LRRIQ1: variants seen among roughly 807,000 people sequenced by gnomAD.
LRRIQ1 encodes leucine-rich repeat- and IQ domain-containing protein 1.
A neutral mutation model predicts 211.9 loss-of-function variants in LRRIQ1; 210 were observed. The ratio of observed to expected loss-of-function variants is 0.99; its 90% confidence interval spans 0.89 to 1.11. LRRIQ1 has a LOEUF of 1.11. Among genes scored for constraint, LRRIQ1 ranks in the 50% most tolerant of loss-of-function variants. LRRIQ1 has a pLI of 0.00. For synonymous variants in LRRIQ1, 699 were observed against 650.1 expected, an observed-to-expected ratio of 1.08 and a Z score of -1.14; for missense variants, 2,136 against 1,939.5, an observed-to-expected ratio of 1.10 and a Z score of -1.90.
chr12:85,194,244 G>C (rs1462015809), intron 24 of LRRIQ1, among the ~76,000 whole-genome samples: 1 of 120,964 alleles, frequency 8.3e-6, no homozygotes, highest in Non-Finnish European at 1.7e-5. Context: ...ACACCCCACT[G>C]TCAACATTAG....
rs973534888 is a variant in LRRIQ1, at chr12:85,192,428, A to T, written c.4822+31714A>T. Among the ~76,000 whole-genome samples the T allele has an allele frequency of 3.0e-5, 4 of 132,048 alleles. No homozygotes were observed. In the Admixed American group the frequency reaches 3.6e-4, roughly 12 times the overall value. 86.6% of individuals were successfully genotyped at this position (132,048 alleles called of 152,430 possible). On this transcript the variant is annotated intron_variant, in intron 24 of 26. Transcript: ENST00000393217. ...TTTATATAATTATATACATTTATAT[A>T]TATTTATATATAAATGTATATAGTT... is the stretch of plus-strand genomic sequence containing the variant.
chr12:85,154,139 TGAA>T, intron 23 of LRRIQ1, 45 bp downstream of exon 23: 2 of 1,023,338 alleles, frequency 2.0e-6, no homozygotes, highest in Non-Finnish European at 1.4e-6. Context: ...TATGGAAAAT[TGAA>T]GATAACTTCT....
intron 1 of LRRIQ1, among the ~76,000 whole-genome samples, chr12:85,252,514 A>G (rs1895975113): frequency 6.6e-6 from 1 of 151,950 alleles, no homozygotes; most frequent in Non-Finnish European, 1.5e-5. Flanking sequence ...AAATGTTTTT[A>G]TGAGAAAAAC....
rs775680245 is a variant in LRRIQ1, at chr12:85,121,834, G to A, written c.3515G>A (p.Arg1172Gln). The A allele has an allele frequency of 1.4e-5, 23 of 1,606,984 alleles. No homozygotes were observed. The highest frequency in any genetic ancestry group is 1.9e-5 in the Non-Finnish European group (22 of 1,176,918). ...GFLALCQSQI[R>Q]EFNLLIENYI... ...CTGGCACTTTGTCAGTCTCAGATTC[G>A]AGAATTCAACTTGCTAATTGAAAAT... is the stretch of plus-strand genomic sequence containing the variant. The change falls in exon 16 of 27, where the codon CGA (arginine) becomes CAA (glutamine). Residue 1172 changes from arginine (R) to glutamine (Q), a missense_variant. Physicochemically the swap from Arg to Gln is conservative, Grantham distance 43 (BLOSUM62 1). Coordinates refer to ENST00000393217, the MANE Select transcript of LRRIQ1 (RefSeq NM_001079910.2).
chr12:85,198,014 AT>A lies in LRRIQ1; in HGVS notation c.4823-31501del, dbSNP rs1565898618. Among the ~76,000 whole-genome samples the A allele has an allele frequency of 4.0e-3, 238 of 59,878 alleles. 1 individual carries two copies. Among genetic ancestry groups the A allele is most frequent in the African/African-American group, 8.2e-3 (139 of 16,868 alleles). The allele number at this position is 59,878 out of a possible 152,430, so 39.3% of individuals were successfully genotyped here. ...ATATTATATATAACATATATAATAT[AT>A]TATATTATTATATATAACATATATA... On this transcript the variant is annotated intron_variant, in intron 24 of 26. Coordinates refer to ENST00000393217, the MANE Select transcript of LRRIQ1 (RefSeq NM_001079910.2).
intron 8 of LRRIQ1, among the ~76,000 whole-genome samples, chr12:85,059,286 C>T (rs993769730): frequency 7.9e-5 from 12 of 152,006 alleles, no homozygotes; most frequent in Admixed American, 3.9e-4. Flanking sequence ...AGACATAAAT[C>T]GGATCTTCGT....
At chr12:85,244,506 C>T (rs1404244025) in intron 26 of LRRIQ1, among the ~76,000 whole-genome samples, 1 of 151,622 alleles carries the variant, frequency 6.6e-6, no homozygotes, top group African/African-American at 2.4e-5. Context: ...GTTTCATCAG[C>T]TACCTTTGAT....
chr12:85,104,311 GT>G (rs1160469128), intron 14 of LRRIQ1, among the ~76,000 whole-genome samples: 1 of 151,832 alleles, frequency 6.6e-6, no homozygotes, highest in Non-Finnish European at 1.5e-5. Flanking sequence ...TTATTTAAAA[GT>G]CATACATCTT....
rs1371298069 is a variant in LRRIQ1, at chr12:85,061,468, A to G, written c.2392-3794A>G. Among the ~76,000 whole-genome samples, 3 of 151,758 alleles carry G rather than the reference A, an allele frequency of 2.0e-5. No individual in the cohort carries two copies. In the East Asian group the frequency reaches 5.8e-4, roughly 29 times the overall value. On this transcript the variant is annotated intron_variant, in intron 8 of 26. Transcript: ENST00000393217. ...CTCCTCATATTCAAAAGTAAATACCACTAACAAGGATACTGTAGCAGTTAC... is the reference window on the plus strand; with the variant it reads ...CTCCTCATATTCAAAAGTAAATACCGCTAACAAGGATACTGTAGCAGTTAC...
chr12:85,162,125 G>A (rs1890919854), intron 24 of LRRIQ1, among the ~76,000 whole-genome samples: 1 of 152,010 alleles, frequency 6.6e-6, no homozygotes, highest in African/African-American at 2.4e-5. Flanking sequence ...TGGACCAACA[G>A]ATGATAGTGT....
intron 24 of LRRIQ1, among the ~76,000 whole-genome samples, chr12:85,224,415 A>G (rs1894549313): frequency 6.6e-6 from 1 of 152,158 alleles, no homozygotes; most frequent in Non-Finnish European, 1.5e-5. Flanking sequence ...ACATCATTCT[A>G]CTATAAAGAC....
chr12:85,099,581 A>G (rs1047111765), intron 13 of LRRIQ1, among the ~76,000 whole-genome samples: 2 of 151,908 alleles, frequency 1.3e-5, no homozygotes, highest in Non-Finnish European at 2.9e-5. Context: ...AAACCAAAGC[A>G]GGAGCACAAT....
chr12:85,074,777 G>T (rs1024885070), intron 11 of LRRIQ1, among the ~76,000 whole-genome samples: 2 of 152,028 alleles, frequency 1.3e-5, no homozygotes, highest in African/African-American at 4.8e-5. Context: ...TTGAATGAAT[G>T]TTGCCACATG....
rs568909404 is a variant in LRRIQ1 at position 85,178,760 on chromosome 12, A to G, written c.4822+18046A>G. The stretch of plus-strand genomic sequence containing the variant: ...TCATTAAATATAAATATTACATAGA[A>G]TTTTGTTCATATATGACCTCATTCT... On this transcript the variant is annotated intron_variant, in intron 24 of 26. Coordinates refer to ENST00000393217, the MANE Select transcript of LRRIQ1 (RefSeq NM_001079910.2). Among the ~76,000 whole-genome samples the G allele has an allele frequency of 2.6e-5, 4 of 151,994 alleles. No homozygotes were observed. The South Asian group carries it at 8.3e-4, about 32-fold the overall frequency.
At position 85,055,951 on chromosome 12, in the gene LRRIQ1, A is replaced by G. The variant is rs777121722; in HGVS notation, c.1158A>G (p.Leu386=). Residue 386 remains leucine, a synonymous_variant, in exon 8 of 27, where the codon TTA becomes TTG. Transcript: ENST00000393217. Reference sequence around the variant, plus strand: ...TAATAAGCAAGGAAAAAATAATATTAAGAGAAGATGCAAGCCAACAGCTAA... The same window carrying G: ...TAATAAGCAAGGAAAAAATAATATTGAGAGAAGATGCAAGCCAACAGCTAA... ...EQLISKEKII[L]REDASQQLII... is the part of the protein sequence containing the mutation. 1.9e-6 allele frequency: 3 copies of G among 1,608,046 alleles called. No individual in the cohort carries two copies. The highest frequency in any genetic ancestry group is 2.5e-6 in the Non-Finnish European group (3 of 1,177,114).
At chr12:85,102,949 AAAAAAAAAAAATATATATATATATATAT>A (rs946371243) in intron 13 of LRRIQ1, among the ~76,000 whole-genome samples, 1 of 106,220 alleles carries the variant, frequency 9.4e-6, no homozygotes, top group East Asian at 4.0e-4. Flanking sequence ...TGTGGCAAAA[AAAAAAAAAAAATATATATATATATATAT>A]ATATATATAT....
At chr12:85,152,971 A>C in intron 20 of LRRIQ1, 53 bp from the exon 21 acceptor site, 5 of 1,362,532 alleles carry the variant, frequency 3.7e-6, no homozygotes, top group Non-Finnish European at 5.1e-6. Context: ...ATACAACATA[A>C]ATGCTAGGAT....
intron 24 of LRRIQ1, among the ~76,000 whole-genome samples, chr12:85,194,785 A>T (rs990834279): frequency 3.3e-5 from 5 of 152,164 alleles, no homozygotes; most frequent in African/African-American, 1.2e-4. Context: ...GAGCAAACAC[A>T]TTCAAAAGCT....
At chr12:85,219,560 A>T (rs1220862212) in intron 24 of LRRIQ1, among the ~76,000 whole-genome samples, 1 of 152,148 alleles carries the variant, frequency 6.6e-6, no homozygotes, top group East Asian at 1.9e-4. Context: ...TTCAAATGTC[A>T]GAAACTAGCA....
Sources: gnomAD v4.1 joint callset for allele counts (sites outside exome capture counted in the v4.1 genomes callset) on GRCh38, gnomAD v4.1.1 for gene constraint, MANE v1.5 for transcripts, NCBI Gene and HGNC (gene_info 2026-07-23, HGNC 2026-07-21) for gene names.